Variants in ALG5 observed in about 807,000 individuals in gnomAD.
The protein encoded by ALG5 is dolichyl-phosphate beta-glucosyltransferase.
ALG5 carries 26 observed loss-of-function variants against 51.8 expected under a neutral mutation model. The observed-to-expected ratio is 0.50, with a 90% CI of 0.37 to 0.70. The LOEUF (loss-of-function observed/expected upper bound fraction) is 0.70, where lower values mean the gene tolerates loss of function less well. ALG5 is among the 30% of genes least tolerant of loss of function. The pLI is 0.00. For missense variants in ALG5, 311 were observed against 399.3 expected (o/e 0.78, Z 1.88); for synonymous variants, 141 against 136.1 (o/e 1.04, Z -0.25).
intron 8 of ALG5, among the ~76,000 whole-genome samples, chr13:36,955,745 T>A (rs1283637075): frequency 7.2e-5 from 9 of 125,526 alleles, no homozygotes; most frequent in African/African-American, 2.6e-4. Flanking sequence ...CTAAAGGACA[T>A]GACTTTTCAA....
chr13:36,965,875 A>G, intron 7 of ALG5, 149 bp from the exon 8 acceptor site: 1 of 637,192 alleles, frequency 1.6e-6, no homozygotes, highest in Non-Finnish European at 2.6e-6. Context: ...CTTCACCAAC[A>G]AAGTATATTA....
intron 4 of ALG5, 100 bp downstream of exon 4, chr13:36,993,504 C>T: frequency 1.0e-6 from 1 of 985,938 alleles, no homozygotes; most frequent in Non-Finnish European, 1.6e-6. Context: ...GTGTTAGGCA[C>T]AGCTTTAGGG....
At chr13:36,977,815 C>CAAAAA (rs1196106688) in intron 6 of ALG5, among the ~76,000 whole-genome samples, 1 of 96,726 alleles carries the variant, frequency 1.0e-5, no homozygotes, top group African/African-American at 4.4e-5. Context: ...AAAAAAAAAA[C>CAAAAA]AAAAACGGTG....
At position 36,989,517 on chromosome 13, in the gene ALG5, C is replaced by T; in HGVS notation, c.414G>A (p.Val138=). The change falls in exon 5 of 10, where the codon GTG becomes GTA. Residue 138 remains valine (V), a synonymous_variant. Coordinates refer to ENST00000239891, the MANE Select transcript of ALG5 (RefSeq NM_013338.5). The part of the protein sequence containing the change: ...GSDKVRVITL[V]KNRGKGGAIR... ...TCGCTCCACCTTTTCCACGATTCTT[C>T]ACCAGGGTTATCACACGTACTTTGT... is the stretch of plus-strand genomic sequence containing the variant. 1 of 1,612,942 alleles carries T rather than the reference C, an allele frequency of 6.2e-7. No individual in the cohort carries two copies. Among genetic ancestry groups the T allele is most frequent in the East Asian group, 2.2e-5 (1 of 44,852 alleles).
intron 6 of ALG5, among the ~76,000 whole-genome samples, chr13:36,974,216 G>A (rs2058939354): frequency 6.6e-6 from 1 of 152,102 alleles, no homozygotes; most frequent in South Asian, 2.1e-4. Context: ...TACATACACA[G>A]TATGCATCTT....
chr13:36,962,024 G>C (rs371366935), intron 8 of ALG5, among the ~76,000 whole-genome samples: 1 of 152,280 alleles, frequency 6.6e-6, no homozygotes, highest in East Asian at 1.9e-4. Flanking sequence ...CTGACCTCAA[G>C]TGATCCACCC....
At chr13:36,955,224 G>A (rs1194043425) in intron 8 of ALG5, among the ~76,000 whole-genome samples, 1 of 152,210 alleles carries the variant, frequency 6.6e-6, no homozygotes, top group Non-Finnish European at 1.5e-5. Flanking sequence ...TGCCAGTTGG[G>A]ACTTTCTCAC....
intron 6 of ALG5, among the ~76,000 whole-genome samples, chr13:36,974,499 C>T (rs1239141551): frequency 6.6e-6 from 1 of 152,014 alleles, no homozygotes; most frequent in Non-Finnish European, 1.5e-5. Flanking sequence ...TTTTTCTCTA[C>T]ATTACAAAAA....
At chr13:36,991,172 T>C (rs141777735) in intron 4 of ALG5, among the ~76,000 whole-genome samples, 3 of 152,318 alleles carry the variant, frequency 2.0e-5, no homozygotes, top group African/African-American at 7.2e-5. Flanking sequence ...ACCACGGTCT[T>C]ACACTTGTAT....
In ALG5 at chr13:36,995,155, A is replaced by G. The variant is rs1469346474; in HGVS notation, c.239-120T>C. The G allele has an allele frequency of 2.9e-5, 26 of 885,566 alleles. No individual in the cohort carries two copies. The South Asian group carries it at 3.7e-4, about 13-fold the overall frequency. The allele number at this position is 885,566 out of a possible 1,614,324, so 54.9% of individuals were successfully genotyped here. A position where few individuals can be genotyped will look rare whatever the true frequency, so the allele number is the denominator to read the frequency against. ...AACAAGCCCCTCTGGTACTTTCCCA[A>G]TGGTCATTCCCATCTGAAATCCTGC... On this transcript the variant is annotated intron_variant, in intron 2 of 9. Transcript: ENST00000239891.
At chr13:36,985,582 T>C (rs1017936667) in intron 6 of ALG5, 45 bp downstream of exon 6, 2 of 1,471,592 alleles carry the variant, frequency 1.4e-6, no homozygotes, top group Non-Finnish European at 9.4e-7. Flanking sequence ...TTAGCTCTCC[T>C]GCATTCTTGA....
intron 7 of ALG5, chr13:36,967,792 C>CA: frequency 8.1e-7 from 1 of 1,234,700 alleles, no homozygotes; most frequent in Non-Finnish European, 1.1e-6. Flanking sequence ...ATTAAACCTC[C>CA]AAAAGAGCAC....
chr13:36,976,643 G>A (rs1297486071), intron 6 of ALG5, among the ~76,000 whole-genome samples: 1 of 151,896 alleles, frequency 6.6e-6, no homozygotes, highest in Admixed American at 6.6e-5. Context: ...AGCTACTTGG[G>A]AGGCTGAGGC....
At chr13:36,955,184 T>G (rs1246386582) in intron 8 of ALG5, among the ~76,000 whole-genome samples, 1 of 152,220 alleles carries the variant, frequency 6.6e-6, no homozygotes, top group Non-Finnish European at 1.5e-5. Context: ...AGGACTCTAC[T>G]TTCATGAAAA....
chr13:36,970,300 G>C lies in ALG5; in HGVS notation c.621+1677C>G, dbSNP rs544634155. Among the ~76,000 whole-genome samples the C allele has an allele frequency of 2.4e-4, 36 of 152,182 alleles. 1 individual carries two copies. The highest frequency in any genetic ancestry group is 8.2e-4 in the African/African-American group (34 of 41,538). On this transcript the variant is annotated intron_variant, in intron 7 of 9. Transcript: ENST00000239891. ...ACATAGAATACTAGACTAGGTGCTAGTAAAATAATTACTTCTAAAAAAAAG... is the reference window on the plus strand; with the variant it reads ...ACATAGAATACTAGACTAGGTGCTACTAAAATAATTACTTCTAAAAAAAAG...
rs2058823374 is a variant in ALG5, at chr13:36,952,588, A to G, written c.785T>C (p.Val262Ala). ...GAACTGTGCTATGTACAGTAGTTCT[A>G]CATCAAATGCCCTAAAATAGAAAAT... ...SLHVERWAFD[V>A]ELLYIAQFFK... is the part of the protein sequence containing the mutation. Residue 262 changes from valine (V) to alanine (A), a missense_variant, in exon 9 of 10, where the codon GTA (valine) becomes GCA (alanine). Val to Ala is a moderately conservative substitution (Grantham distance 64). Coordinates refer to ENST00000239891, the MANE Select transcript of ALG5 (RefSeq NM_013338.5). 1 of 1,571,532 alleles carries G rather than the reference A, an allele frequency of 6.4e-7. No individual in the cohort carries two copies. Among genetic ancestry groups the G allele is most frequent in the Non-Finnish European group, 8.6e-7 (1 of 1,163,030 alleles).
intron 7 of ALG5, chr13:36,968,204 AAG>A: frequency 6.4e-6 from 1 of 157,150 alleles, no homozygotes; most frequent in East Asian, 1.8e-4. Context: ...AAGCTACTAA[AAG>A]AGAGAAGGCT....
At chr13:36,981,277 A>G (rs2058978115) in intron 6 of ALG5, among the ~76,000 whole-genome samples, 1 of 152,210 alleles carries the variant, frequency 6.6e-6, no homozygotes, top group Admixed American at 6.5e-5. Context: ...AACCACTGTA[A>G]AACGTACTAA....
In ALG5 at chr13:36,995,698, T is replaced by C. The variant is rs1262682166; in HGVS notation, c.67-102A>G. The C allele has an allele frequency of 3.6e-6, 4 of 1,126,190 alleles. No individual in the cohort carries two copies. In the South Asian group the frequency reaches 4.4e-5, roughly 12 times the overall value. 69.8% of individuals were successfully genotyped at this position (1,126,190 alleles called of 1,614,324 possible). A position where few individuals can be genotyped will look rare whatever the true frequency, so the allele number is the denominator to read the frequency against. ...ATCATCTACTTTTCTTTTAGTTGAATACTCACTCTCAGGTTTTAGTTCATT... is the reference window on the plus strand; with the variant it reads ...ATCATCTACTTTTCTTTTAGTTGAACACTCACTCTCAGGTTTTAGTTCATT... On this transcript the variant is annotated intron_variant, in intron 1 of 9. Transcript: ENST00000239891.
Sources: allele counts gnomAD v4.1 joint callset (sites outside exome capture counted in the v4.1 genomes callset), GRCh38; gene constraint gnomAD v4.1.1; transcripts MANE v1.5; gene names NCBI Gene and HGNC (gene_info 2026-07-23, HGNC 2026-07-21).